The following PLD5 variants were observed in gnomAD, a reference collection of about 807,000 sequenced individuals.
PLD5 encodes phospholipase D family member 5.
A neutral mutation model predicts 61.1 loss-of-function variants in PLD5; 36 were observed. The observed-to-expected ratio is 0.59, with a 90% confidence interval of 0.45 to 0.78. PLD5 has a LOEUF of 0.78. Among genes scored for constraint, PLD5 ranks in the 30% least tolerant of loss-of-function variants. The pLI, the probability that PLD5 is intolerant of heterozygous loss-of-function variation, is 0.00. For synonymous variants in PLD5, 243 were observed against 242.8 expected, an observed-to-expected ratio of 1.00 and a Z score of -0.01; for missense variants, 515 against 644.4, an observed-to-expected ratio of 0.80 and a Z score of 2.17.
chr1:242,460,958 G>A (rs1348769031), intron 1 of PLD5, among the ~76,000 whole-genome samples: 1 of 151,968 alleles, frequency 6.6e-6, no homozygotes, highest in Non-Finnish European at 1.5e-5. Context: ...TGGGCAAGGT[G>A]GTGAAACCCC....
intron 5 of PLD5, among the ~76,000 whole-genome samples, chr1:242,166,181 G>T (rs1357118069): frequency 6.6e-6 from 1 of 152,194 alleles, no homozygotes; most frequent in Non-Finnish European, 1.5e-5. Context: ...CTATGGTCAG[G>T]CAGGCATAAA....
At chr1:242,137,912 G>A (rs1197601919) in intron 5 of PLD5, among the ~76,000 whole-genome samples, 1 of 152,144 alleles carries the variant, frequency 6.6e-6, no homozygotes, top group East Asian at 1.9e-4. Flanking sequence ...GAAAATGAAA[G>A]TTTAATTATT....
intron 2 of PLD5, among the ~76,000 whole-genome samples, chr1:242,322,693 T>C (rs1392643382): frequency 1.3e-5 from 2 of 152,190 alleles, no homozygotes; most frequent in Admixed American, 1.3e-4. Flanking sequence ...AAAAGTGTTA[T>C]TTATATCCAC....
rs78186142 is a variant in PLD5, at chr1:242,139,821, T to C, written c.736-15156A>G. The stretch of plus-strand genomic sequence containing the variant: ...GTGCCTGCAATCAGTGGTCATTGGG[T>C]GTCTCAGGTAGTCCAGACAGATGGA... On this transcript the variant is annotated intron_variant, in intron 5 of 9. Coordinates refer to ENST00000536534, the MANE Select transcript of PLD5 (RefSeq NM_001372062.1). Among the ~76,000 whole-genome samples, 1,163 of 152,302 alleles carry C rather than the reference T, an allele frequency of 7.6e-3. 6 individuals carry two copies. The highest frequency in any genetic ancestry group is 0.075 in the Middle Eastern group (22 of 294).
intron 1 of PLD5, among the ~76,000 whole-genome samples, chr1:242,427,620 A>G (rs1226113256): frequency 2.0e-5 from 3 of 152,228 alleles, no homozygotes; most frequent in African/African-American, 7.2e-5. Flanking sequence ...AAACTCCGCC[A>G]TCCCATATGG....
At chr1:242,438,833 ATTGATAATTAG>A (rs1241397026) in intron 1 of PLD5, among the ~76,000 whole-genome samples, 1 of 152,072 alleles carries the variant, frequency 6.6e-6, no homozygotes, top group Non-Finnish European at 1.5e-5. Context: ...TCCTCCTTTA[ATTGATAATTAG>A]TTTCCTACTT....
chr1:242,518,990 G>C (rs987760942), intron 1 of PLD5, among the ~76,000 whole-genome samples: 2 of 152,172 alleles, frequency 1.3e-5, no homozygotes, highest in Non-Finnish European at 2.9e-5. Context: ...AGTTGGAGGC[G>C]GCAGAGAATC....
chr1:242,265,485 A>T, intron 3 of PLD5, 37 bp from the exon 4 acceptor site: 1 of 1,535,708 alleles, frequency 6.5e-7, no homozygotes. Flanking sequence ...AAGTCAGAAA[A>T]CCTAAATGTT....
At chr1:242,442,820 C>T (rs1208090329) in intron 1 of PLD5, among the ~76,000 whole-genome samples, 6 of 152,110 alleles carry the variant, frequency 3.9e-5, no homozygotes, top group East Asian at 1.9e-4. Context: ...GAAATTAATC[C>T]GTTATTTGTT....
chr1:242,257,391 G>C (rs1319652501), intron 4 of PLD5, among the ~76,000 whole-genome samples: 2 of 152,170 alleles, frequency 1.3e-5, no homozygotes. Context: ...CTGAAAGCTT[G>C]CAACACCAGC....
At chr1:242,475,147 C>T (rs1248939226) in intron 1 of PLD5, among the ~76,000 whole-genome samples, 2 of 152,188 alleles carry the variant, frequency 1.3e-5, no homozygotes, top group Non-Finnish European at 2.9e-5. Flanking sequence ...CATCTTTAAG[C>T]CCAAGTAACA....
chr1:242,099,493 C>T (rs996275797), intron 9 of PLD5, among the ~76,000 whole-genome samples: 3 of 152,234 alleles, frequency 2.0e-5, no homozygotes, highest in Admixed American at 6.5e-5. Context: ...AAAAAGAATA[C>T]GTTTACACTG....
chr1:242,295,241 C>T (rs1444944469), intron 2 of PLD5, among the ~76,000 whole-genome samples: 3 of 152,096 alleles, frequency 2.0e-5, no homozygotes, highest in East Asian at 1.9e-4. Context: ...ACCCAAACAG[C>T]GAACATACTA....
chr1:242,104,568 G>C (rs1660907681), intron 8 of PLD5, among the ~76,000 whole-genome samples: 1 of 152,198 alleles, frequency 6.6e-6, no homozygotes, highest in Non-Finnish European at 1.5e-5. Flanking sequence ...TTGGGTTTGA[G>C]TCTTGCCCCA....
At chr1:242,459,672 C>T (rs192043549) in intron 1 of PLD5, among the ~76,000 whole-genome samples, 2 of 152,252 alleles carry the variant, frequency 1.3e-5, no homozygotes, top group Non-Finnish European at 2.9e-5. Flanking sequence ...AAGACAATTC[C>T]AGGTTGGACT....
At chr1:242,442,178 A>G (rs958809423) in intron 1 of PLD5, among the ~76,000 whole-genome samples, 1 of 152,244 alleles carries the variant, frequency 6.6e-6, no homozygotes, top group Non-Finnish European at 1.5e-5. Flanking sequence ...ATCATGAGAC[A>G]TTCCAAAGGC....
At chr1:242,522,469 G>C (rs1345231642) in intron 1 of PLD5, among the ~76,000 whole-genome samples, 1 of 152,200 alleles carries the variant, frequency 6.6e-6, no homozygotes, top group African/African-American at 2.4e-5. Context: ...CATGACTCAA[G>C]ACATAGTCAT....
chr1:242,279,252 G>A (rs189403984), intron 3 of PLD5, among the ~76,000 whole-genome samples: 32 of 152,296 alleles, frequency 2.1e-4, no homozygotes, highest in African/African-American at 7.0e-4. Flanking sequence ...AACCTGGCCC[G>A]ATCTTGGAAC....
intron 9 of PLD5, among the ~76,000 whole-genome samples, chr1:242,095,753 C>T (rs1330184594): frequency 2.0e-5 from 3 of 152,074 alleles, no homozygotes; most frequent in Non-Finnish European, 4.4e-5. Flanking sequence ...TCAATCCTGT[C>T]GTGCCTAAAA....
Sources: gnomAD v4.1 joint callset for allele counts (sites outside exome capture counted in the v4.1 genomes callset) on GRCh38, gnomAD v4.1.1 for gene constraint, MANE v1.5 for transcripts, NCBI Gene and HGNC (gene_info 2026-07-23, HGNC 2026-07-21) for gene names.